ZNF254: variants seen among roughly 807,000 people sequenced by gnomAD.
ZNF254 encodes the protein CTD-2017D11.1.
A neutral mutation model predicts 12.4 loss-of-function variants in ZNF254; 10 were observed. The ratio of observed to expected loss-of-function variants is 0.80; its 90% CI spans 0.50 to 1.36. The LOEUF (loss-of-function observed/expected upper bound fraction) is 1.36. Among genes scored for constraint, ZNF254 ranks in the 40% most tolerant of loss-of-function variants. ZNF254 has a pLI of 0.00. For missense variants in ZNF254, 996 were observed against 763.9 expected, an observed-to-expected ratio of 1.30 and a Z score of -3.58; for synonymous variants, 305 against 253.4, an observed-to-expected ratio of 1.20 and a Z score of -1.93.
At chr19:24,115,425 A>G (rs1212306811) in intron 3 of ZNF254, among the ~76,000 whole-genome samples, 1 of 150,176 alleles carries the variant, frequency 6.7e-6, no homozygotes, top group East Asian at 1.9e-4. Context: ...TATCGCAAGA[A>G]CAAAAAACCA....
intron 3 of ZNF254, among the ~76,000 whole-genome samples, chr19:24,108,414 C>G (rs1294777830): frequency 6.6e-6 from 1 of 152,218 alleles, no homozygotes; most frequent in East Asian, 1.9e-4. Flanking sequence ...TGAATGAGGA[C>G]CTGCCTTCTG....
chr19:24,107,458 C>T (rs1256131241), intron 3 of ZNF254: 5 of 357,838 alleles, frequency 1.4e-5, no homozygotes, highest in Admixed American at 4.7e-5. Context: ...TGATATTGTA[C>T]ATAAGTTTTT....
chr19:24,114,096 T>C (rs1266854916), intron 3 of ZNF254, among the ~76,000 whole-genome samples: 1 of 151,662 alleles, frequency 6.6e-6, no homozygotes, highest in Non-Finnish European at 1.5e-5. Flanking sequence ...AAAATGGCCA[T>C]ACTGCCCAAG....
intron 3 of ZNF254, among the ~76,000 whole-genome samples, chr19:24,124,207 GTAAA>G (rs1182602850): frequency 6.6e-6 from 1 of 152,056 alleles, no homozygotes; most frequent in East Asian, 1.9e-4. Flanking sequence ...TTTTAATCTG[GTAAA>G]TAAACTTAAG....
intron 2 of ZNF254, among the ~76,000 whole-genome samples, chr19:24,053,548 T>C (rs1970726912): frequency 6.6e-6 from 1 of 152,016 alleles, no homozygotes; most frequent in Non-Finnish European, 1.5e-5. Flanking sequence ...ACTGGACATA[T>C]CACAGGGCCT....
intron 1 of ZNF254, among the ~76,000 whole-genome samples, chr19:24,096,150 C>CTTGGG (rs1340331824): frequency 6.6e-6 from 1 of 150,940 alleles, no homozygotes; most frequent in Non-Finnish European, 1.5e-5. Flanking sequence ...ACCTCCGCCT[C>CTTGGG]TTGGGTTCAA....
chr19:24,121,249 T>A (rs1054275870), intron 3 of ZNF254, among the ~76,000 whole-genome samples: 4 of 152,230 alleles, frequency 2.6e-5, no homozygotes, highest in African/African-American at 9.6e-5. Flanking sequence ...TTGTTTTTTT[T>A]TCCCCATATT....
intron 2 of ZNF254, among the ~76,000 whole-genome samples, chr19:24,055,468 AG>A (rs1970816141): frequency 1.3e-5 from 2 of 151,792 alleles, no homozygotes; most frequent in Admixed American, 1.3e-4. Flanking sequence ...TAGTAGAAAC[AG>A]GGTTTCACCA....
At chr19:24,085,764 T>G (rs1972015599), upstream of ZNF254, among the ~76,000 whole-genome samples, 1 of 151,150 alleles carries the variant, frequency 6.6e-6, no homozygotes, top group Admixed American at 6.6e-5. Context: ...AGAGCAAGCC[T>G]CTCCTGGAAA....
intron 2 of ZNF254, among the ~76,000 whole-genome samples, chr19:24,054,619 G>C (rs1345872724): frequency 6.6e-6 from 1 of 152,208 alleles, no homozygotes; most frequent in Non-Finnish European, 1.5e-5. Context: ...CACAGGGAAA[G>C]AGCCTATGGC....
chr19:24,088,545 G>A (rs535879922), intron 1 of ZNF254, among the ~76,000 whole-genome samples: 5 of 152,058 alleles, frequency 3.3e-5, no homozygotes, highest in African/African-American at 9.6e-5. Flanking sequence ...TAAATTTCCC[G>A]TTTTGTCTGA....
At chr19:24,074,278 C>T (rs1158908546) in intron 2 of ZNF254, among the ~76,000 whole-genome samples, 2 of 152,160 alleles carry the variant, frequency 1.3e-5, no homozygotes. Flanking sequence ...TATTACTGGG[C>T]CCAGCATCGA....
At chr19:24,082,565 T>A (rs1223463338), upstream of ZNF254, among the ~76,000 whole-genome samples, 2 of 54,864 alleles carry the variant, frequency 3.6e-5, no homozygotes, top group African/African-American at 8.1e-5. Flanking sequence ...CAGAAGAATC[T>A]CTTGAACCTG....
At chr19:24,121,238 A>T (rs1286365489) in intron 3 of ZNF254, among the ~76,000 whole-genome samples, 1 of 151,880 alleles carries the variant, frequency 6.6e-6, no homozygotes, top group Non-Finnish European at 1.5e-5. Context: ...TAACCACTGT[A>T]TTGTTTTTTT....
At chr19:24,073,690 A>G (rs746433114) in intron 2 of ZNF254, among the ~76,000 whole-genome samples, 9 of 152,180 alleles carry the variant, frequency 5.9e-5, no homozygotes, top group Non-Finnish European at 1.3e-4. Flanking sequence ...CTCTCAGACC[A>G]AGATTCAACA....
intron 2 of ZNF254, among the ~76,000 whole-genome samples, chr19:24,071,945 G>A (rs575932053): frequency 9.4e-4 from 143 of 152,272 alleles, no homozygotes; most frequent in African/African-American, 3.3e-3. Flanking sequence ...TGTATATTGT[G>A]TTTATTAAAA....
chr19:24,052,313 C>T (rs2145320114), intron 2 of ZNF254, among the ~76,000 whole-genome samples: 1 of 152,342 alleles, frequency 6.6e-6, no homozygotes, highest in Non-Finnish European at 1.5e-5. Context: ...ATCTTTCCAT[C>T]ACTTAGGTGA....
intron 2 of ZNF254, among the ~76,000 whole-genome samples, chr19:24,047,039 AT>A (rs375138904): frequency 0.16 from 24,142 of 149,588 alleles, 2,094 homozygotes; most frequent in Middle Eastern, 0.23. Flanking sequence ...AATTCTTTGT[AT>A]TTTTTTTTAG....
chr19:24,058,118 C>T (rs1253183838), intron 2 of ZNF254, among the ~76,000 whole-genome samples: 1 of 152,182 alleles, frequency 6.6e-6, no homozygotes, highest in Non-Finnish European at 1.5e-5. Flanking sequence ...TAATGTGAGT[C>T]TCCTCTCCTG....
Sources: allele counts gnomAD v4.1 joint callset (sites outside exome capture counted in the v4.1 genomes callset), GRCh38; gene constraint gnomAD v4.1.1; transcripts MANE v1.5; gene names NCBI Gene and HGNC (gene_info 2026-07-23, HGNC 2026-07-21).